Variants in ERBB4 observed in about 807,000 individuals in gnomAD.
ERBB4 encodes receptor tyrosine-protein kinase erbB-4.
Under a neutral mutation model 158.0 loss-of-function variants are expected in ERBB4, and 42 were observed. That is an observed-to-expected ratio of 0.27 (90% CI 0.21 to 0.34). ERBB4 has a LOEUF of 0.34. Among genes scored for constraint, ERBB4 ranks in the 10% least tolerant of loss-of-function variants. ERBB4 has a pLI of 1.00. For synonymous variants in ERBB4, 583 were observed against 558.7 expected (o/e 1.04, Z -0.61); for missense variants, 1,333 against 1,624.1 (o/e 0.82, Z 3.08).
chr2:212,520,063 C>T (rs1692068356), intron 1 of ERBB4, among the ~76,000 whole-genome samples: 1 of 148,462 alleles, frequency 6.7e-6, no homozygotes, highest in Non-Finnish European at 1.5e-5. Flanking sequence ...CAACCAAAAA[C>T]AAAAGAAACA....
At chr2:212,186,354 G>A (rs1450061307) in intron 1 of ERBB4, among the ~76,000 whole-genome samples, 1 of 152,188 alleles carries the variant, frequency 6.6e-6, no homozygotes, top group African/African-American at 2.4e-5. Flanking sequence ...CTAGTCAAGA[G>A]TGTCTGATAA....
intron 3 of ERBB4, among the ~76,000 whole-genome samples, chr2:211,905,744 G>GTA (rs66837219): frequency 0.13 from 15,292 of 119,024 alleles, 1,093 homozygotes; most frequent in South Asian, 0.26. Context: ...GCATGTGTGT[G>GTA]TATATATATA....
intron 1 of ERBB4, among the ~76,000 whole-genome samples, chr2:212,127,860 G>A (rs1335143509): frequency 6.6e-6 from 1 of 152,142 alleles, no homozygotes; most frequent in African/African-American, 2.4e-5. Context: ...AGAAGCTAGA[G>A]AGTGGCAAGG....
intron 1 of ERBB4, among the ~76,000 whole-genome samples, chr2:212,166,823 C>G (rs1224468420): frequency 6.6e-6 from 1 of 152,024 alleles, no homozygotes; most frequent in Non-Finnish European, 1.5e-5. Flanking sequence ...ACAAATCTCA[C>G]AAAAACAAGA....
intron 20 of ERBB4, among the ~76,000 whole-genome samples, chr2:211,459,730 A>G (rs554447427): frequency 6.6e-6 from 1 of 152,292 alleles, no homozygotes; most frequent in African/African-American, 2.4e-5. Flanking sequence ...GAATCCATTA[A>G]ACCTCTTTTT....
intron 1 of ERBB4, among the ~76,000 whole-genome samples, chr2:212,234,924 T>G (rs1444370123): frequency 6.6e-6 from 1 of 152,220 alleles, no homozygotes; most frequent in African/African-American, 2.4e-5. Context: ...TTCTGTAGGT[T>G]GCCTGTTCAC....
chr2:211,827,842 C>T (rs2077136890), intron 3 of ERBB4, among the ~76,000 whole-genome samples: 1 of 151,908 alleles, frequency 6.6e-6, no homozygotes, highest in Non-Finnish European at 1.5e-5. Flanking sequence ...TTATTATATA[C>T]AATAAAAGGC....
chr2:211,668,126 A>G (rs2071698581), intron 14 of ERBB4, among the ~76,000 whole-genome samples: 1 of 152,174 alleles, frequency 6.6e-6, no homozygotes, highest in Non-Finnish European at 1.5e-5. Context: ...ATACAATAAT[A>G]AGCATGTGTG....
At chr2:212,094,281 A>T (rs978965378) in intron 2 of ERBB4, among the ~76,000 whole-genome samples, 11 of 150,090 alleles carry the variant, frequency 7.3e-5, no homozygotes, top group South Asian at 6.2e-4. Flanking sequence ...ATAATAAAAT[A>T]AAATAAAATT....
At chr2:211,832,984 C>A (rs990058841) in intron 3 of ERBB4, among the ~76,000 whole-genome samples, 5 of 151,752 alleles carry the variant, frequency 3.3e-5, no homozygotes, top group African/African-American at 1.2e-4. Flanking sequence ...AGAAACTGAT[C>A]AAATATTTTC....
At chr2:212,070,486 T>C (rs2078080972) in intron 2 of ERBB4, among the ~76,000 whole-genome samples, 3 of 152,200 alleles carry the variant, frequency 2.0e-5, no homozygotes, top group Middle Eastern at 3.4e-3. Context: ...CATAAGATAA[T>C]ACACATATAA....
chr2:211,403,566 C>T (rs1391459131), intron 25 of ERBB4, among the ~76,000 whole-genome samples: 1 of 152,096 alleles, frequency 6.6e-6, no homozygotes, highest in African/African-American at 2.4e-5. Context: ...AATTCTGGAG[C>T]CTCCTCCTTG....
intron 1 of ERBB4, among the ~76,000 whole-genome samples, chr2:212,397,501 A>G (rs1017369428): frequency 3.5e-5 from 5 of 143,670 alleles, no homozygotes; most frequent in Non-Finnish European, 7.6e-5. Flanking sequence ...AAAAGGAAGG[A>G]AGGAAGGAAG....
At chr2:211,631,196 C>T (rs2070112562) in intron 16 of ERBB4, among the ~76,000 whole-genome samples, 1 of 152,074 alleles carries the variant, frequency 6.6e-6, no homozygotes, top group African/African-American at 2.4e-5. Flanking sequence ...AAAGATCTGT[C>T]AACATCACCC....
rs151009440 is a variant in ERBB4, at chr2:212,305,594, A to T, written c.83-180691T>A. The stretch of plus-strand genomic sequence containing the variant: ...AAAGCAAAAAAAACCTGACTCCTTA[A>T]CATTTTGAAAACATTTCCAGTATGC... On this transcript the variant is annotated intron_variant, in intron 1 of 27. Transcript: ENST00000342788. 5.3e-5 allele frequency among the ~76,000 whole-genome samples: 8 copies of T among 151,448 alleles called. No individual in the cohort carries two copies. In the East Asian group the frequency reaches 1.6e-3, roughly 30 times the overall value.
At chr2:211,730,355 A>G (rs1291892797) in intron 5 of ERBB4, among the ~76,000 whole-genome samples, 1 of 152,026 alleles carries the variant, frequency 6.6e-6, no homozygotes, top group East Asian at 1.9e-4. Flanking sequence ...GTGACAAGAC[A>G]AAAGATCTCT....
At chr2:211,655,910 GAATTT>G (rs1431740636) in intron 16 of ERBB4, among the ~76,000 whole-genome samples, 21 of 152,188 alleles carry the variant, frequency 1.4e-4, no homozygotes, top group Admixed American at 1.1e-3. Context: ...TTTCTTTTTA[GAATTT>G]AATTTTTCTA....
Position 212,019,491 on chromosome 2 carries a change from G to A in ERBB4, c.235-71875C>T, listed in dbSNP as rs545255754. Among the ~76,000 whole-genome samples, 135 of 152,152 alleles carry A rather than the reference G, an allele frequency of 8.9e-4. 5 individuals are homozygous for A. The South Asian group carries it at 0.028, about 31-fold the overall frequency. On this transcript the variant is annotated intron_variant, in intron 2 of 27. Transcript: ENST00000342788. ...AAGAATAGAAAAATAGGCAGGGCAC[G>A]GTGGCTCTCACCTGTAATCCTAGCA...
At position 211,725,030 on chromosome 2, in the gene ERBB4, AAGG is replaced by A. The variant is rs759222224; in HGVS notation, c.741+43_741+45del. 1.7e-5 allele frequency: 22 copies of A among 1,307,262 alleles called. No individual in the cohort carries two copies. In the South Asian group the frequency reaches 2.6e-4, roughly 15 times the overall value. 81.0% of individuals were successfully genotyped at this position (1,307,262 alleles called of 1,614,324 possible). A position where few individuals can be genotyped will look rare whatever the true frequency, so the allele number is the denominator to read the frequency against. ...TTCAGTATGCCTGAATCAAATAGGGAAGGAAAGGAGAGCAGGATAATAAAAGAG... is the reference window on the plus strand; with the variant it reads ...TTCAGTATGCCTGAATCAAATAGGGAAAAGGAGAGCAGGATAATAAAAGAG... On this transcript the variant is annotated intron_variant, in intron 6 of 27. Coordinates refer to ENST00000342788, the MANE Select transcript of ERBB4 (RefSeq NM_005235.3).
Sources: allele counts gnomAD v4.1 joint callset (sites outside exome capture counted in the v4.1 genomes callset), GRCh38; gene constraint gnomAD v4.1.1; transcripts MANE v1.5; gene names NCBI Gene and HGNC (gene_info 2026-07-23, HGNC 2026-07-21).